Variants in FAT4 observed in about 807,000 individuals in gnomAD.
FAT4 encodes FAT atypical cadherin 4, also known as protocadherin Fat 4.
In FAT4, 84 loss-of-function variants were observed where a neutral mutation model predicts 303.9. The ratio of observed to expected loss-of-function variants is 0.28; its 90% CI spans 0.23 to 0.33. The LOEUF (loss-of-function observed/expected upper bound fraction) is 0.33. Ranked by LOEUF, FAT4 falls within the 10% of genes least tolerant of loss-of-function variation. The probability of loss-of-function intolerance (pLI) is 1.00; values close to 1 mark genes in which losing one functional copy is unlikely to be tolerated. For synonymous variants in FAT4, 2,307 were observed against 2,298.8 expected (o/e 1.00, Z -0.10); for missense variants, 6,005 against 6,146.8 (o/e 0.98, Z 0.77).
chr4:125,334,036 G>T (rs1225399350), intron 2 of FAT4, among the ~76,000 whole-genome samples: 1 of 151,956 alleles, frequency 6.6e-6, no homozygotes, highest in Non-Finnish European at 1.5e-5. Flanking sequence ...AAACAATAGG[G>T]TTTATGTGGC....
chr4:125,490,009 T>C lies in FAT4; in HGVS notation c.13193T>C (p.Ile4398Thr), dbSNP rs200729108. 1.1e-4 allele frequency: 175 copies of C among 1,614,060 alleles called. No individual in the cohort carries two copies. Among genetic ancestry groups the C allele is most frequent in the Middle Eastern group, 9.9e-4 (6 of 6,062 alleles). ...SISKTDPSVK[I>T]GCRGPNICAS... ...TCAAAAACAGATCCCTCAGTGAAGA[T>C]TGGCTGCCGTGGCCCGAACATTTGT... The change falls in exon 18 of 18, where the codon ATT becomes ACT. Residue 4398 changes from isoleucine (I) to threonine (T), a missense_variant. Coordinates refer to ENST00000394329, the MANE Select transcript of FAT4 (RefSeq NM_001291303.3).
intron 2 of FAT4, among the ~76,000 whole-genome samples, chr4:125,374,520 C>T (rs1733242627): frequency 6.6e-6 from 1 of 152,164 alleles, no homozygotes; most frequent in Non-Finnish European, 1.5e-5. Flanking sequence ...CCTTATTCTA[C>T]AGACATTAAT....
chr4:125,469,694 G>C (rs1361094687), intron 12 of FAT4, among the ~76,000 whole-genome samples: 3 of 151,904 alleles, frequency 2.0e-5, no homozygotes, highest in Non-Finnish European at 2.9e-5. Context: ...TCACATCTTC[G>C]GGCTTCACTT....
chr4:125,350,064 A>C (rs1732163868), intron 2 of FAT4, among the ~76,000 whole-genome samples: 1 of 151,700 alleles, frequency 6.6e-6, no homozygotes, highest in African/African-American at 2.4e-5. Context: ...ACTTCATAAA[A>C]ATGTACCTTT....
intron 8 of FAT4, among the ~76,000 whole-genome samples, chr4:125,440,841 T>C (rs1426480061): frequency 6.6e-6 from 1 of 152,152 alleles, no homozygotes; most frequent in African/African-American, 2.4e-5. Context: ...TTTGGTTTTC[T>C]GCTTTGTTTT....
intron 7 of FAT4, among the ~76,000 whole-genome samples, chr4:125,432,489 A>G (rs1725313625): frequency 6.6e-6 from 1 of 152,196 alleles, no homozygotes. Flanking sequence ...GTTGCATGGA[A>G]TTTTGACAGT....
At chr4:125,371,222 A>G (rs937752660) in intron 2 of FAT4, among the ~76,000 whole-genome samples, 5 of 151,656 alleles carry the variant, frequency 3.3e-5, no homozygotes, top group African/African-American at 4.8e-5. Flanking sequence ...TTTTATAGGG[A>G]CTTAAAAATT....
chr4:125,318,852 G>C lies in FAT4; in HGVS notation c.2441G>C (p.Ser814Thr). 5 of 1,614,146 alleles carry C rather than the reference G, an allele frequency of 3.1e-6. No individual in the cohort carries two copies. Among genetic ancestry groups the C allele is most frequent in the Non-Finnish European group, 4.2e-6 (5 of 1,180,040 alleles). Reference protein sequence around the residue: ...ENVALGYHVGSVSASTMDLNS... With the variant: ...ENVALGYHVGTVSASTMDLNS... ...GTGGCGCTGGGATATCATGTGGGTA[G>C]TGTGTCTGCATCCACCATGGATCTC... The change falls in exon 2 of 18, where the codon AGT becomes ACT. Residue 814 changes from serine (S) to threonine (T), a missense_variant. Transcript: ENST00000394329.
chr4:125,377,830 A>C, intron 2 of FAT4, among the ~76,000 whole-genome samples: 1 of 152,254 alleles, frequency 6.6e-6, no homozygotes, highest in East Asian at 1.9e-4. Context: ...AAAATAAGTT[A>C]GATGCTATAA....
chr4:125,320,480 A>T lies in FAT4; in HGVS notation c.4069A>T (p.Thr1357Ser), dbSNP rs375109338. The T allele has an allele frequency of 3.9e-5, 63 of 1,613,992 alleles. No homozygotes were observed. The highest frequency in any genetic ancestry group is 1.6e-4 in the Middle Eastern group (1 of 6,084). ...TGATTTATATTACAGTATTACTGGG[A>T]CTAACAACCACGGAACTTTTAGCAT... ...NADLYYSITGTNNHGTFSISP... is the reference protein window; with the variant it reads ...NADLYYSITGSNNHGTFSISP... Residue 1357 changes from threonine (T) to serine (S), a missense_variant, in exon 2 of 18, where the codon ACT becomes TCT. Transcript: ENST00000394329.
intron 2 of FAT4, among the ~76,000 whole-genome samples, chr4:125,372,006 G>A (rs971600843): frequency 6.6e-6 from 1 of 151,902 alleles, no homozygotes; most frequent in Non-Finnish European, 1.5e-5. Flanking sequence ...AATATTTTTT[G>A]AATAAAAGAA....
At chr4:125,331,240 C>T (rs1032205864) in intron 2 of FAT4, among the ~76,000 whole-genome samples, 3 of 152,128 alleles carry the variant, frequency 2.0e-5, no homozygotes, top group Non-Finnish European at 4.4e-5. Context: ...TGCACAGCAC[C>T]TACAGTGTGG....
intron 2 of FAT4, among the ~76,000 whole-genome samples, chr4:125,326,742 A>T (rs1293386511): frequency 3.3e-5 from 5 of 152,212 alleles, no homozygotes; most frequent in Non-Finnish European, 7.3e-5. Flanking sequence ...TTTGTTGCTT[A>T]AAAAGCATTT....
rs772498965 is a variant in FAT4, at chr4:125,450,948, C to T, written c.9938C>T (p.Ala3313Val). 20 of 1,614,000 alleles carry T rather than the reference C, an allele frequency of 1.2e-5. No individual in the cohort carries two copies. Among genetic ancestry groups the T allele is most frequent in the Non-Finnish European group, 1.7e-5 (20 of 1,180,020 alleles). Residue 3313 changes from alanine (A) to valine (V), a missense_variant, in exon 10 of 18, where the codon GCT (alanine) becomes GTT (valine). By Grantham distance (64) the Ala-to-Val change is moderately conservative. Transcript: ENST00000394329. ...TACTATTTTGAAATCTCAGAAGCAG[C>T]TCCTAAAGGTACTATTGTTGGAGAA... is the stretch of plus-strand genomic sequence containing the variant. ...KLYYFEISEA[A>V]PKGTIVGEVF...
At chr4:125,409,543 A>C (rs1483922179) in intron 5 of FAT4, among the ~76,000 whole-genome samples, 7 of 152,180 alleles carry the variant, frequency 4.6e-5, no homozygotes, top group Non-Finnish European at 8.8e-5. Context: ...GGCGTGAGCC[A>C]CTGCACCCAG....
At chr4:125,374,425 T>C (rs899184938) in intron 2 of FAT4, among the ~76,000 whole-genome samples, 2 of 152,174 alleles carry the variant, frequency 1.3e-5, no homozygotes, top group Non-Finnish European at 2.9e-5. Context: ...TTATATTCTT[T>C]GGAAAAAACT....
At chr4:125,360,082 G>C (rs1732595338) in intron 2 of FAT4, among the ~76,000 whole-genome samples, 1 of 152,040 alleles carries the variant, frequency 6.6e-6, no homozygotes, top group African/African-American at 2.4e-5. Context: ...TGTTTCTCTA[G>C]TCTAATCCAT....
At chr4:125,484,816 A>T (rs1189982419) in intron 16 of FAT4, among the ~76,000 whole-genome samples, 1 of 152,096 alleles carries the variant, frequency 6.6e-6, no homozygotes, top group East Asian at 1.9e-4. Context: ...AAAATAAAAA[A>T]GGTACAGTAA....
intron 7 of FAT4, among the ~76,000 whole-genome samples, chr4:125,431,803 C>G (rs1036375672): frequency 6.6e-6 from 1 of 152,120 alleles, no homozygotes; most frequent in Admixed American, 6.6e-5. Flanking sequence ...TTCTCTCTCT[C>G]TTCCATGACA....
Sources: allele counts gnomAD v4.1 joint callset (sites outside exome capture counted in the v4.1 genomes callset), GRCh38; gene constraint gnomAD v4.1.1; transcripts MANE v1.5; gene names NCBI Gene and HGNC (gene_info 2026-07-23, HGNC 2026-07-21).